Variants in NUCB2 observed in about 807,000 individuals in gnomAD.
The protein encoded by NUCB2 is nucleobindin-2.
Under a neutral mutation model 57.9 loss-of-function variants are expected in NUCB2, and 48 were observed. That is an observed-to-expected ratio of 0.83 (90% CI 0.66 to 1.05). The LOEUF is 1.05. Ranked by LOEUF, NUCB2 falls within the 50% of genes least tolerant of loss-of-function variation. The probability of loss-of-function intolerance (pLI) is 0.00; values close to 1 mark genes in which losing one functional copy is unlikely to be tolerated. For synonymous variants in NUCB2, 139 were observed against 152.1 expected, an observed-to-expected ratio of 0.91 and a Z score of 0.64; for missense variants, 442 against 476.2, an observed-to-expected ratio of 0.93 and a Z score of 0.67.
intron 4 of NUCB2, among the ~76,000 whole-genome samples, chr11:17,298,649 C>T (rs1946225840): frequency 1.3e-5 from 2 of 151,120 alleles, no homozygotes; most frequent in South Asian, 4.2e-4. Flanking sequence ...CAAGCAAAGA[C>T]TTCTGTTTCA....
At chr11:17,302,617 C>T (rs1223570910) in intron 5 of NUCB2, among the ~76,000 whole-genome samples, 1 of 152,054 alleles carries the variant, frequency 6.6e-6, no homozygotes, top group Non-Finnish European at 1.5e-5. Flanking sequence ...GTCACCTAGG[C>T]TGGAGTGCAG....
rs144156851 is a variant in NUCB2 at position 17,312,213 on chromosome 11, A to G, written c.912+93A>G. The G allele has an allele frequency of 4.0e-5, 30 of 754,758 alleles. No individual in the cohort carries two copies. In the East Asian group the frequency reaches 8.7e-4, roughly 22 times the overall value. The allele number at this position is 754,758 out of a possible 1,614,324, so 46.8% of individuals were successfully genotyped here. ...AAGATGGAAAATATACAGAATTTGT[A>G]TTTAAATGGAGTTTGCGTTTTTGTT... is the stretch of plus-strand genomic sequence containing the variant. On this transcript the variant is annotated intron_variant, in intron 10 of 13. Transcript: ENST00000529010.
rs184678873 is a variant in NUCB2, at chr11:17,292,609, C to T, written c.1-2715C>T. 3.6e-3 allele frequency among the ~76,000 whole-genome samples: 542 copies of T among 152,260 alleles called. 2 individuals carry two copies. Among genetic ancestry groups the T allele is most frequent in the Middle Eastern group, 6.8e-3 (2 of 294 alleles). On this transcript the variant is annotated intron_variant, in intron 2 of 13. Coordinates refer to ENST00000529010, the MANE Select transcript of NUCB2 (RefSeq NM_005013.4). The stretch of plus-strand genomic sequence containing the variant: ...CAGTGCTGCTGGCCCAGGGACCATA[C>T]TTTTGAGAACCACTCCTGAAAAGCC...
At chr11:17,345,523 A>G (rs1429267952) in intron 2 of NUCB2, among the ~76,000 whole-genome samples, 2 of 152,168 alleles carry the variant, frequency 1.3e-5, no homozygotes, top group Non-Finnish European at 2.9e-5. Flanking sequence ...CCTGGCCAAG[A>G]TGGTGAAACC....
intron 2 of NUCB2, among the ~76,000 whole-genome samples, chr11:17,289,954 A>G (rs778551550): frequency 4.6e-5 from 7 of 152,096 alleles, no homozygotes; most frequent in Non-Finnish European, 8.8e-5. Context: ...TGAGTCCATC[A>G]ATTCAGCCTC....
chr11:17,288,552 C>CTT (rs1362783048), intron 2 of NUCB2, among the ~76,000 whole-genome samples: 11 of 101,174 alleles, frequency 1.1e-4, no homozygotes, highest in Admixed American at 1.2e-4. Context: ...TCTTCTTCTT[C>CTT]TTTTTTTTTT....
At chr11:17,291,849 T>C (rs572148810) in intron 2 of NUCB2, among the ~76,000 whole-genome samples, 1 of 152,294 alleles carries the variant, frequency 6.6e-6, no homozygotes, top group South Asian at 2.1e-4. Context: ...GAACTTTCTT[T>C]GCTAGTTCAT....
intron 11 of NUCB2, among the ~76,000 whole-genome samples, chr11:17,327,561 A>G (rs1950851398): frequency 6.6e-6 from 1 of 151,910 alleles, no homozygotes; most frequent in Non-Finnish European, 1.5e-5. Flanking sequence ...AAACTCCTAT[A>G]TTTGCCGTTT....
downstream of NUCB2, chr11:17,332,482 C>T (rs1020165446): frequency 6.7e-6 from 1 of 150,130 alleles, no homozygotes; most frequent in Non-Finnish European, 1.5e-5. Context: ...TACCTAAATT[C>T]TGTGTACCTT....
At chr11:17,341,464 G>A (rs1326902101) in intron 2 of NUCB2, among the ~76,000 whole-genome samples, 3 of 151,838 alleles carry the variant, frequency 2.0e-5, no homozygotes, top group African/African-American at 7.3e-5. Context: ...GTCATAGATA[G>A]CTCTTATTAT....
rs1192100242 is a variant in NUCB2, at chr11:17,330,218, C to T, written c.1094C>T (p.Ala365Val). The change falls in exon 12 of 14, where the codon GCA (alanine) becomes GTA (valine). Residue 365 changes from alanine to valine, a missense_variant. By Grantham distance (64) the Ala-to-Val change is moderately conservative. Transcript: ENST00000529010. This position sits in a 1 kb window ranked among gnomAD's most constrained non-coding sequence, Gnocchi z 4.3. The part of the protein sequence containing the change: ...ALQENELKKK[A>V]DELQKQKEEL... Reference sequence around the variant, plus strand: ...CAAGAAAATGAACTTAAGAAGAAGGCAGATGAGCTTCAGAAACAAAAAGAA... The same window carrying T: ...CAAGAAAATGAACTTAAGAAGAAGGTAGATGAGCTTCAGAAACAAAAAGAA... 1 of 1,609,324 alleles carries T rather than the reference C, an allele frequency of 6.2e-7. No individual in the cohort carries two copies. The highest frequency in any genetic ancestry group is 8.5e-7 in the Non-Finnish European group (1 of 1,177,106).
chr11:17,317,229 A>C (rs1445200002), intron 11 of NUCB2, among the ~76,000 whole-genome samples: 1 of 152,026 alleles, frequency 6.6e-6, no homozygotes, highest in Non-Finnish European at 1.5e-5. Context: ...CCTCCTCTCT[A>C]TTTTTAATCT....
intron 2 of NUCB2, among the ~76,000 whole-genome samples, chr11:17,339,487 G>A (rs1952072617): frequency 6.7e-6 from 1 of 149,492 alleles, no homozygotes; most frequent in African/African-American, 2.5e-5. Flanking sequence ...ATCTCCTAAT[G>A]CTATCCCTCC....
chr11:17,315,056 T>C (rs905449092), intron 10 of NUCB2, among the ~76,000 whole-genome samples: 1 of 152,226 alleles, frequency 6.6e-6, no homozygotes, highest in Non-Finnish European at 1.5e-5. Context: ...AGAGGGATTA[T>C]ACATATTATG....
In NUCB2 at chr11:17,309,675, G is replaced by A. The variant is rs747194678; in HGVS notation, c.483G>A (p.Ala161=). Residue 161 remains alanine (A), a splice_region_variant and synonymous_variant, in exon 6 of 14, where the codon GCG becomes GCA. Transcript: ENST00000529010. Reference sequence around the variant, plus strand: ...CAGATTTAGATATGCTAATCAAAGCGGTGAGAATAATTCCAAAAAGTTTTG... The same window carrying A: ...CAGATTTAGATATGCTAATCAAAGCAGTGAGAATAATTCCAAAAAGTTTTG... ...ESTDLDMLIK[A]ATSDLEHYDK... 106 of 1,577,704 alleles carry A rather than the reference G, an allele frequency of 6.7e-5. No individual in the cohort carries two copies. Among genetic ancestry groups the A allele is most frequent in the Non-Finnish European group, 8.4e-5 (98 of 1,164,468 alleles).
chr11:17,341,874 T>C (rs1320316898), intron 2 of NUCB2, among the ~76,000 whole-genome samples: 8 of 152,244 alleles, frequency 5.3e-5, no homozygotes, highest in Admixed American at 4.6e-4. Context: ...TTGATTGGAA[T>C]AGTTTCAGAA....
chr11:17,331,562 C>CT lies in NUCB2; in HGVS notation c.*150dup, dbSNP rs959616834. On this transcript the variant is annotated 3_prime_UTR_variant, in exon 14 of 14. Coordinates refer to ENST00000529010, the MANE Select transcript of NUCB2 (RefSeq NM_005013.4). ...GGGAGATACTTTTTAAATGAAAACA[C>CT]TTTTTTTGGGACACAGATATTAAAG... 97 of 483,100 alleles carry CT rather than the reference C, an allele frequency of 2.0e-4. No homozygotes were observed. Among genetic ancestry groups the CT allele is most frequent in the African/African-American group, 1.7e-3 (83 of 49,878 alleles). 29.9% of individuals were successfully genotyped at this position (483,100 alleles called of 1,614,324 possible).
chr11:17,349,085 C>T (rs565615300), intron 2 of NUCB2, among the ~76,000 whole-genome samples: 1 of 152,188 alleles, frequency 6.6e-6, no homozygotes, highest in East Asian at 1.9e-4. Context: ...CAGCAGAAAG[C>T]TTTTCTTATA....
intron 11 of NUCB2, among the ~76,000 whole-genome samples, chr11:17,324,864 C>T (rs570804740): frequency 1.8e-4 from 28 of 152,070 alleles, no homozygotes; most frequent in Admixed American, 5.2e-4. Flanking sequence ...TGCAGTGGCG[C>T]GATCTTGGCT....
Sources: gnomAD v4.1 joint callset for allele counts (sites outside exome capture counted in the v4.1 genomes callset) on GRCh38, gnomAD v4.1.1 for gene constraint, Gnocchi (gnomAD v3.1) non-coding constraint, MANE v1.5 for transcripts, NCBI Gene and HGNC (gene_info 2026-07-23, HGNC 2026-07-21) for gene names.